Variants in DIPK1A observed in about 807,000 individuals in gnomAD.
The protein encoded by DIPK1A is family with sequence similarity 69 member A.
A neutral mutation model predicts 40.8 loss-of-function variants in DIPK1A; 27 were observed. The ratio of observed to expected loss-of-function variants is 0.66; its 90% CI spans 0.49 to 0.91. The LOEUF is 0.91. Ranked by LOEUF, DIPK1A falls within the 40% of genes least tolerant of loss-of-function variation. DIPK1A has a pLI of 0.00. For missense variants in DIPK1A, 412 were observed against 505.7 expected, an observed-to-expected ratio of 0.81 and a Z score of 1.78; for synonymous variants, 166 against 171.3, an observed-to-expected ratio of 0.97 and a Z score of 0.24.
At chr1:92,939,938 T>A (rs901377110) in intron 1 of DIPK1A, among the ~76,000 whole-genome samples, 27 of 112,896 alleles carry the variant, frequency 2.4e-4, no homozygotes, top group African/African-American at 8.3e-4. Context: ...GGCGACAGAG[T>A]GAGACCCTGT....
intron 1 of DIPK1A, among the ~76,000 whole-genome samples, chr1:92,944,366 T>A (rs1020763375): frequency 3.3e-5 from 5 of 152,168 alleles, no homozygotes; most frequent in African/African-American, 1.2e-4. Flanking sequence ...AAGGGCTCAG[T>A]GAGTACCCAT....
In DIPK1A at chr1:92,847,370, A is replaced by T; in HGVS notation, c.298-11T>A. Reference sequence around the variant, plus strand: ...AATCCCTAAATACATCTATGTAAAAAAGAGTGGCAAGTTATGTATTATACT... The same window carrying T: ...AATCCCTAAATACATCTATGTAAAATAGAGTGGCAAGTTATGTATTATACT... On this transcript the variant is annotated splice_polypyrimidine_tract_variant and intron_variant, in intron 3 of 4. Transcript: ENST00000370310. 6.3e-7 allele frequency: 1 copy of T among 1,585,058 alleles called. No individual in the cohort carries two copies. Among genetic ancestry groups the T allele is most frequent in the Non-Finnish European group, 8.6e-7 (1 of 1,165,034 alleles).
At chr1:92,921,176 T>C (rs995147802) in intron 1 of DIPK1A, among the ~76,000 whole-genome samples, 2 of 152,140 alleles carry the variant, frequency 1.3e-5, no homozygotes, top group Non-Finnish European at 2.9e-5. Context: ...TTTTTTTTAA[T>C]CCCAAGTTGC....
intron 1 of DIPK1A, chr1:92,876,926 C>T (rs933668976): frequency 6.5e-6 from 6 of 926,064 alleles, no homozygotes; most frequent in African/African-American, 1.8e-5. Context: ...AGAAATTAAG[C>T]TCTACAGTCA....
At position 92,842,833 on chromosome 1, in the gene DIPK1A, A is replaced by G. The variant is rs1557446263; in HGVS notation, c.*550T>C. 2.0e-6 allele frequency: 2 copies of G among 985,362 alleles called. No individual in the cohort carries two copies. The highest frequency in any genetic ancestry group is 1.2e-6 in the Non-Finnish European group (1 of 829,984). The allele number at this position is 985,362 out of a possible 1,614,324, so 61.0% of individuals were successfully genotyped here. On this transcript the variant is annotated 3_prime_UTR_variant, in exon 5 of 5. Coordinates refer to ENST00000370310, the MANE Select transcript of DIPK1A (RefSeq NM_001006605.5). ...CCATTGTGAAGCTACACATAACTTGATGTCTGAATGAGGTTAAAAATGGGT... is the reference window on the plus strand; with the variant it reads ...CCATTGTGAAGCTACACATAACTTGGTGTCTGAATGAGGTTAAAAATGGGT...
chr1:92,952,028 G>A (rs1178057034), intron 1 of DIPK1A, among the ~76,000 whole-genome samples: 1 of 132,230 alleles, frequency 7.6e-6, no homozygotes, highest in Middle Eastern at 4.4e-3. Context: ...AAACTACAAT[G>A]AAATACCAAC....
chr1:92,959,903 C>CATTTTTTTTTTT (rs1651998956), intron 1 of DIPK1A, among the ~76,000 whole-genome samples: 4 of 47,892 alleles, frequency 8.4e-5, no homozygotes, highest in African/African-American at 4.4e-4. Flanking sequence ...ACCCAACCAA[C>CATTTTTTTTTTT]TTTTTTTTTT....
rs1181089447 is a variant in DIPK1A, at chr1:92,842,486, CATTAG to C, written c.*892_*896del. On this transcript the variant is annotated 3_prime_UTR_variant, in exon 5 of 5. Transcript: ENST00000370310. ...TATCAAGTTTACATGGGGAAAAAAA[CATTAG>C]ATAAATAAATACATTTACATGCCTC... 2 of 917,024 alleles carry C rather than the reference CATTAG, an allele frequency of 2.2e-6. No individual in the cohort carries two copies. Among genetic ancestry groups the C allele is most frequent in the Non-Finnish European group, 2.6e-6 (2 of 767,094 alleles). 56.8% of individuals were successfully genotyped at this position (917,024 alleles called of 1,614,324 possible). A position where few individuals can be genotyped will look rare whatever the true frequency, so the allele number is the denominator to read the frequency against.
intron 1 of DIPK1A, among the ~76,000 whole-genome samples, chr1:92,951,162 T>C (rs1297700224): frequency 2.0e-5 from 3 of 152,116 alleles, no homozygotes; most frequent in Non-Finnish European, 4.4e-5. Context: ...TACGAGCTCT[T>C]AAAAGCAGAA....
In DIPK1A at chr1:92,842,918, C is replaced by G. The variant is rs1043821737; in HGVS notation, c.*465G>C. 4.1e-5 allele frequency: 40 copies of G among 987,274 alleles called. No individual in the cohort carries two copies. In the African/African-American group the frequency reaches 6.1e-4, roughly 15 times the overall value. The allele number at this position is 987,274 out of a possible 1,614,324, so 61.2% of individuals were successfully genotyped here. The stretch of plus-strand genomic sequence containing the variant: ...ACCCAACATCTGTTTTATAAAGAAG[C>G]AAGTTTAACCTGCTTTGCAGTCTTA... On this transcript the variant is annotated 3_prime_UTR_variant, in exon 5 of 5. Transcript: ENST00000370310.
intron 1 of DIPK1A, among the ~76,000 whole-genome samples, chr1:92,907,233 A>T (rs1649657271): frequency 1.3e-5 from 2 of 152,212 alleles, no homozygotes; most frequent in Non-Finnish European, 2.9e-5. Flanking sequence ...ATTTTAGAAC[A>T]GCCCCACTTG....
intron 1 of DIPK1A, among the ~76,000 whole-genome samples, chr1:92,946,664 C>G (rs1371463240): frequency 6.6e-6 from 1 of 152,148 alleles, no homozygotes; most frequent in African/African-American, 2.4e-5. Flanking sequence ...CAGAGGTAGG[C>G]TGGGCCCGAT....
intron 1 of DIPK1A, among the ~76,000 whole-genome samples, chr1:92,882,829 G>C (rs1648438727): frequency 6.6e-6 from 1 of 152,186 alleles, no homozygotes; most frequent in South Asian, 2.1e-4. Context: ...GACACTCTGT[G>C]TATCCCACAT....
intron 2 of DIPK1A, among the ~76,000 whole-genome samples, chr1:92,852,487 C>T (rs900866974): frequency 6.6e-6 from 1 of 150,968 alleles, no homozygotes; most frequent in South Asian, 2.1e-4. Context: ...GCAAGAAGAG[C>T]GAATCTCCGT....
intron 1 of DIPK1A, chr1:92,932,554 G>T (rs554920691): frequency 9.2e-5 from 14 of 152,086 alleles, no homozygotes; most frequent in Non-Finnish European, 1.3e-4. Flanking sequence ...AAAAGAGAAA[G>T]AAATGAACCA....
chr1:92,876,340 T>G lies in DIPK1A; in HGVS notation c.145A>C (p.Thr49Pro). ...TTTCCTCTGCATAATTCTGTATAGG[T>G]AGAATACTGCACATATATAATCCAG... ...GSWIIYVQYS[T>P]YTELCRGKDC... Residue 49 changes from threonine (T) to proline (P), a missense_variant, in exon 2 of 5, where the codon ACC becomes CCC. Thr to Pro is a conservative substitution (Grantham distance 38). Transcript: ENST00000370310. 1 of 1,601,070 alleles carries G rather than the reference T, an allele frequency of 6.2e-7. No individual in the cohort carries two copies. Among genetic ancestry groups the G allele is most frequent in the Non-Finnish European group, 8.6e-7 (1 of 1,168,948 alleles).
intron 1 of DIPK1A, among the ~76,000 whole-genome samples, chr1:92,882,321 G>A (rs1031822955): frequency 1.4e-4 from 21 of 152,366 alleles, no homozygotes; most frequent in African/African-American, 5.0e-4. Flanking sequence ...CAGGGAGGCA[G>A]AGGTTGCAGT....
chr1:92,875,977 T>C (rs1015311193), intron 2 of DIPK1A, among the ~76,000 whole-genome samples: 2 of 150,820 alleles, frequency 1.3e-5, no homozygotes, highest in African/African-American at 2.4e-5. Context: ...AGTCTAAACA[T>C]TAAAAAACTC....
rs1374029468 is a variant in DIPK1A at position 92,939,307 on chromosome 1, G to A, written c.54+22069C>T. On this transcript the variant is annotated intron_variant, in intron 1 of 4. Coordinates refer to ENST00000370310, the MANE Select transcript of DIPK1A (RefSeq NM_001006605.5). Reference sequence around the variant, plus strand: ...TGTACACTGAATTTCTATCACCTTTGGGGAGGGAAGTCTACATAACCGAAT... The same window carrying A: ...TGTACACTGAATTTCTATCACCTTTAGGGAGGGAAGTCTACATAACCGAAT... 3.9e-5 allele frequency among the ~76,000 whole-genome samples: 6 copies of A among 152,108 alleles called. No homozygotes were observed. In the South Asian group the frequency reaches 8.3e-4, roughly 21 times the overall value.
Sources: allele counts gnomAD v4.1 joint callset (sites outside exome capture counted in the v4.1 genomes callset), GRCh38; gene constraint gnomAD v4.1.1; transcripts MANE v1.5; gene names NCBI Gene and HGNC (gene_info 2026-07-23, HGNC 2026-07-21).